CFAP54: variants seen among roughly 807,000 people sequenced by gnomAD.
CFAP54 encodes cilia and flagella associated protein 54.
In CFAP54, 290 loss-of-function variants were observed where a neutral mutation model predicts 370.4. That is an observed-to-expected ratio of 0.78 (90% confidence interval 0.71 to 0.86). The LOEUF (loss-of-function observed/expected upper bound fraction) is 0.86. Among genes scored for constraint, CFAP54 ranks in the 40% least tolerant of loss-of-function variants. The pLI, the probability that CFAP54 is intolerant of heterozygous loss-of-function variation, is 0.00. For missense variants in CFAP54, 3,399 were observed against 3,528.7 expected (o/e 0.96, Z 0.93); for synonymous variants, 1,206 against 1,236.5 (o/e 0.98, Z 0.52).
At chr12:96,826,980 A>G (rs1308050730) in intron 65 of CFAP54, among the ~76,000 whole-genome samples, 1 of 130,438 alleles carries the variant, frequency 7.7e-6, no homozygotes, top group Non-Finnish European at 1.5e-5. Context: ...ATATGATTAT[A>G]TATAATATGC....
chr12:96,643,894 A>G (rs527324583), intron 32 of CFAP54, among the ~76,000 whole-genome samples: 1 of 152,188 alleles, frequency 6.6e-6, no homozygotes, highest in African/African-American at 2.4e-5. Flanking sequence ...CCTTTTGGTT[A>G]TGAAAAATAA....
At chr12:96,580,800 C>A in intron 21 of CFAP54, 111 bp downstream of exon 21, 2 of 1,110,922 alleles carry the variant, frequency 1.8e-6, no homozygotes, top group Non-Finnish European at 2.4e-6. Flanking sequence ...TGAATCATAA[C>A]TAAAATCCAA....
chr12:96,733,510 T>C (rs904109209), intron 50 of CFAP54, among the ~76,000 whole-genome samples: 3 of 150,582 alleles, frequency 2.0e-5, no homozygotes, highest in African/African-American at 4.9e-5. Context: ...TTTCTACTTC[T>C]AGGGCTGCCT....
intron 63 of CFAP54, among the ~76,000 whole-genome samples, chr12:96,795,483 T>A (rs993397310): frequency 2.0e-5 from 3 of 151,402 alleles, no homozygotes; most frequent in Non-Finnish European, 3.0e-5. Flanking sequence ...GATGGTGTGG[T>A]TCTCAGGTGG....
Position 96,489,946 on chromosome 12 carries a change from T to C in CFAP54, c.317+20T>C. 2.0e-6 allele frequency: 3 copies of C among 1,520,474 alleles called. No homozygotes were observed. 94.2% of individuals were successfully genotyped at this position (1,520,474 alleles called of 1,614,324 possible). A position where few individuals can be genotyped will look rare whatever the true frequency, so the allele number is the denominator to read the frequency against. On this transcript the variant is annotated intron_variant, in intron 1 of 67. Transcript: ENST00000524981. ...GCGTTGGTAAGCGCTGGCGGGGCAC[T>C]GGGGAGGGCGCCGGCCAGAGGAGGG...
chr12:96,839,505 G>A (rs1959198674), intron 66 of CFAP54, among the ~76,000 whole-genome samples: 1 of 152,192 alleles, frequency 6.6e-6, no homozygotes, highest in Non-Finnish European at 1.5e-5. Context: ...GCAAGGAATG[G>A]CTGCATACAT....
intron 4 of CFAP54, among the ~76,000 whole-genome samples, chr12:96,512,587 C>T (rs1043398448): frequency 1.3e-5 from 2 of 151,766 alleles, no homozygotes; most frequent in Non-Finnish European, 2.9e-5. Context: ...GTGATCCTCC[C>T]GCCTCAGGCT....
intron 56 of CFAP54, 109 bp from the exon 57 acceptor site, chr12:96,756,349 A>G (rs906544854): frequency 1.5e-6 from 1 of 647,062 alleles, no homozygotes; most frequent in African/African-American, 1.9e-5. Flanking sequence ...ACAGACATAC[A>G]AAAGGACAGC....
chr12:96,869,864 G>A (rs1483687335), intron 67 of CFAP54, among the ~76,000 whole-genome samples: 1 of 150,292 alleles, frequency 6.7e-6, no homozygotes, highest in East Asian at 1.9e-4. Flanking sequence ...GAACCTGGGA[G>A]GCAGAGGTTG....
intron 55 of CFAP54, among the ~76,000 whole-genome samples, chr12:96,749,018 T>A (rs1026253666): frequency 1.3e-5 from 2 of 152,234 alleles, no homozygotes; most frequent in Admixed American, 6.5e-5. Context: ...TGATTTAACT[T>A]CTTTGTGCCT....
chr12:96,676,782 C>A (rs533679052), intron 39 of CFAP54, among the ~76,000 whole-genome samples: 4 of 152,146 alleles, frequency 2.6e-5, no homozygotes, highest in African/African-American at 9.6e-5. Flanking sequence ...CTGCCTTGGC[C>A]TCCCAAAGAG....
At chr12:96,576,528 C>T (rs1019330916) in intron 19 of CFAP54, 57 bp from the exon 20 acceptor site, 25 of 1,271,718 alleles carry the variant, frequency 2.0e-5, no homozygotes, top group Admixed American at 1.9e-4. Flanking sequence ...ATTCTATAAA[C>T]GTAAATAGAG....
In CFAP54 at chr12:96,742,518, G is replaced by A. The variant is rs1958063850; in HGVS notation, c.7151G>A (p.Trp2384Ter). The A allele has an allele frequency of 6.2e-7, 1 of 1,613,078 alleles. No homozygotes were observed. The highest frequency in any genetic ancestry group is 1.3e-5 in the African/African-American group (1 of 74,880). Residue 2384 changes from tryptophan (W) to a stop codon, truncating the protein, a stop_gained, in exon 52 of 68, where the codon TGG becomes TAG. Transcript: ENST00000524981. LOFTEE classifies it high-confidence loss of function. ...CGAGAATATTTCAACATTCATCTGT[G>A]GTTGAGGTGCCGCTTAGCATTGGTG... Reference protein sequence around the residue: ...NAREYFNIHLWLRCRLALVTA... With the variant: ...NAREYFNIHL
At chr12:96,719,378 A>G (rs73379269) in intron 49 of CFAP54, among the ~76,000 whole-genome samples, 3,341 of 152,308 alleles carry the variant, frequency 0.022, 132 homozygotes, top group African/African-American at 0.075. Flanking sequence ...ACTGCTCTGC[A>G]CAAATACATT....
At chr12:96,708,878 A>G in intron 48 of CFAP54, 75 bp downstream of exon 48, 1 of 1,127,712 alleles carries the variant, frequency 8.9e-7, no homozygotes, top group Non-Finnish European at 1.3e-6. Context: ...CCACTAATCT[A>G]TATAAATGAT....
chr12:96,843,742 A>G (rs1296345108), intron 66 of CFAP54, among the ~76,000 whole-genome samples: 1 of 152,184 alleles, frequency 6.6e-6, no homozygotes, highest in Non-Finnish European at 1.5e-5. Context: ...GGGCACAATC[A>G]CAATTTACAT....
intron 25 of CFAP54, among the ~76,000 whole-genome samples, chr12:96,596,291 A>G (rs1262550295): frequency 6.6e-6 from 1 of 152,192 alleles, no homozygotes; most frequent in East Asian, 1.9e-4. Flanking sequence ...CCACTGATTC[A>G]GGATACCTTT....
intron 52 of CFAP54, 128 bp downstream of exon 52, chr12:96,742,714 A>T: frequency 1.1e-6 from 1 of 935,230 alleles, no homozygotes; most frequent in Non-Finnish European, 1.6e-6. Context: ...TTATAGAATT[A>T]AAAATTCAGG....
At chr12:96,600,116 G>A (rs1956223390) in intron 26 of CFAP54, among the ~76,000 whole-genome samples, 1 of 152,114 alleles carries the variant, frequency 6.6e-6, no homozygotes, top group African/African-American at 2.4e-5. Flanking sequence ...TTCTTCTAGG[G>A]TTTTTATGGT....
Sources: allele counts gnomAD v4.1 joint callset (sites outside exome capture counted in the v4.1 genomes callset), GRCh38; gene constraint gnomAD v4.1.1; transcripts MANE v1.5; gene names NCBI Gene and HGNC (gene_info 2026-07-23, HGNC 2026-07-21).